Variants in ULK4 observed in about 807,000 individuals in gnomAD.
The protein encoded by ULK4 is unc-51 like kinase 4.
In ULK4, 133 loss-of-function variants were observed where a neutral mutation model predicts 160.6. The observed-to-expected ratio is 0.83, with a 90% CI of 0.72 to 0.96. The LOEUF is 0.96. Ranked by LOEUF, ULK4 falls within the 40% of genes least tolerant of loss-of-function variation. The pLI, the probability that ULK4 is intolerant of heterozygous loss-of-function variation, is 0.00. For synonymous variants in ULK4, 534 were observed against 539.8 expected (o/e 0.99, Z 0.15); for missense variants, 1,580 against 1,499.5 (o/e 1.05, Z -0.89).
At chr3:41,871,142 G>T (rs1697075477) in intron 17 of ULK4, among the ~76,000 whole-genome samples, 1 of 152,072 alleles carries the variant, frequency 6.6e-6, no homozygotes, top group African/African-American at 2.4e-5. Flanking sequence ...CCAAGTCTTG[G>T]GTATTTCTTC....
At chr3:41,383,052 T>C (rs564508877) in intron 35 of ULK4, among the ~76,000 whole-genome samples, 2 of 152,144 alleles carry the variant, frequency 1.3e-5, no homozygotes, top group African/African-American at 2.4e-5. Flanking sequence ...AAAATTGCCA[T>C]TGCTGTTTAC....
At chr3:41,307,007 T>C (rs2079956707) in intron 35 of ULK4, among the ~76,000 whole-genome samples, 1 of 150,944 alleles carries the variant, frequency 6.6e-6, no homozygotes, top group Non-Finnish European at 1.5e-5. Flanking sequence ...ACACAAACAC[T>C]GCGGAAGGCC....
chr3:41,317,496 CGATT>C (rs1559521473), intron 35 of ULK4, among the ~76,000 whole-genome samples: 3 of 151,974 alleles, frequency 2.0e-5, no homozygotes, highest in African/African-American at 7.3e-5. Context: ...TTATTGATAA[CGATT>C]GATAATGATT....
Position 41,809,494 on chromosome 3 carries a change from G to A in ULK4, c.1849-9201C>T, listed in dbSNP as rs146279777. Among the ~76,000 whole-genome samples, 353 of 152,250 alleles carry A rather than the reference G, an allele frequency of 2.3e-3. 1 individual carries two copies. The highest frequency in any genetic ancestry group is 7.5e-3 in the African/African-American group (310 of 41,560). ...GGTGCTCTTTATTGAAAAAGTAGGC[G>A]TGTAGACTAAGATTATATTTGTGTG... On this transcript the variant is annotated intron_variant, in intron 19 of 36. Transcript: ENST00000301831.
At chr3:41,585,408 A>G (rs1260348101) in intron 31 of ULK4, among the ~76,000 whole-genome samples, 1 of 152,182 alleles carries the variant, frequency 6.6e-6, no homozygotes, top group African/African-American at 2.4e-5. Context: ...AAGCTCACAC[A>G]ATGGGAAAAT....
intron 17 of ULK4, among the ~76,000 whole-genome samples, chr3:41,852,410 T>C (rs2125674768): frequency 6.6e-6 from 1 of 152,216 alleles, no homozygotes; most frequent in East Asian, 1.9e-4. Flanking sequence ...AATAAATCTA[T>C]AGTTCAAAAT....
chr3:41,917,764 G>A (rs1378051905), intron 7 of ULK4, among the ~76,000 whole-genome samples: 3 of 152,050 alleles, frequency 2.0e-5, no homozygotes, highest in Admixed American at 6.6e-5. Context: ...GGTGGATCAT[G>A]ACATCAGGAG....
intron 32 of ULK4, among the ~76,000 whole-genome samples, chr3:41,464,321 A>G (rs1462965278): frequency 2.0e-5 from 3 of 152,218 alleles, no homozygotes; most frequent in African/African-American, 7.2e-5. Flanking sequence ...AGTGACATAG[A>G]ATGACAGACG....
rs779807923 is a variant in ULK4, at chr3:41,935,953, G to A, written c.239-13C>T. The A allele has an allele frequency of 3.7e-6, 6 of 1,611,036 alleles. No homozygotes were observed. The highest frequency in any genetic ancestry group is 2.2e-5 in the East Asian group (1 of 44,752). On this transcript the variant is annotated splice_polypyrimidine_tract_variant and intron_variant, in intron 3 of 36. Coordinates refer to ENST00000301831, the MANE Select transcript of ULK4 (RefSeq NM_017886.4). ...TTTAAGGAACCACCTGCAAGAGGTT[G>A]ATTAAAATCACCCATTTCAACCCCC...
At chr3:41,307,929 G>A (rs2079980308) in intron 35 of ULK4, among the ~76,000 whole-genome samples, 1 of 152,172 alleles carries the variant, frequency 6.6e-6, no homozygotes, top group South Asian at 2.1e-4. Flanking sequence ...ACCTGGAGCT[G>A]TTGTGGCTGC....
chr3:41,299,002 T>A (rs1203623321), intron 35 of ULK4, among the ~76,000 whole-genome samples: 4 of 152,196 alleles, frequency 2.6e-5, no homozygotes, highest in Admixed American at 2.6e-4. Flanking sequence ...CATCCACACC[T>A]CTGACAATGC....
chr3:41,740,112 T>C (rs2038194807), intron 22 of ULK4, among the ~76,000 whole-genome samples: 1 of 151,948 alleles, frequency 6.6e-6, no homozygotes. Context: ...AAACATATTT[T>C]CTTCCAGCTG....
At chr3:41,489,021 C>T (rs2084649602) in intron 32 of ULK4, among the ~76,000 whole-genome samples, 1 of 152,130 alleles carries the variant, frequency 6.6e-6, no homozygotes, top group African/African-American at 2.4e-5. Flanking sequence ...TCTCAGCCCC[C>T]TTCTGCCTCC....
intron 17 of ULK4, among the ~76,000 whole-genome samples, chr3:41,865,351 T>C (rs374315218): frequency 2.0e-5 from 3 of 146,900 alleles, no homozygotes; most frequent in Non-Finnish European, 4.5e-5. Context: ...TCTAGTTTTC[T>C]ATACAATCAC....
chr3:41,398,074 C>G lies in ULK4; in HGVS notation c.3678+5G>C, dbSNP rs1315999786. The G allele has an allele frequency of 6.2e-7, 1 of 1,611,208 alleles. No homozygotes were observed. The highest frequency in any genetic ancestry group is 1.7e-5 in the Admixed American group (1 of 59,498). On this transcript the variant is annotated splice_donor_5th_base_variant and intron_variant, in intron 35 of 36. Coordinates refer to ENST00000301831, the MANE Select transcript of ULK4 (RefSeq NM_017886.4). ...ACAGTGTCCCCGGTTTCTGTGTGAA[C>G]TCACCATTCTTCTGAGAATCCTTAA...
chr3:41,530,952 C>T (rs61021485), intron 32 of ULK4, among the ~76,000 whole-genome samples: 129 of 151,220 alleles, frequency 8.5e-4, no homozygotes, highest in Middle Eastern at 3.4e-3. Flanking sequence ...TTAGTAGAGA[C>T]GGGGTTTCAC....
chr3:41,725,159 T>C (rs923283005), intron 22 of ULK4, among the ~76,000 whole-genome samples: 7 of 152,062 alleles, frequency 4.6e-5, no homozygotes, highest in Non-Finnish European at 1.0e-4. Flanking sequence ...TGTGTTCTGT[T>C]AAAAAAAATT....
chr3:41,775,531 T>A (rs1355831083), intron 21 of ULK4, among the ~76,000 whole-genome samples: 2 of 150,076 alleles, frequency 1.3e-5, no homozygotes, highest in East Asian at 3.9e-4. Flanking sequence ...ACTGAGTAGC[T>A]GGAATTACAG....
intron 35 of ULK4, among the ~76,000 whole-genome samples, chr3:41,255,546 T>C (rs537585802): frequency 2.1e-5 from 3 of 145,712 alleles, no homozygotes; most frequent in African/African-American, 7.3e-5. Flanking sequence ...AGATATGACA[T>C]GCTAACAGTA....
Sources: gnomAD v4.1 joint callset for allele counts (sites outside exome capture counted in the v4.1 genomes callset) on GRCh38, gnomAD v4.1.1 for gene constraint, MANE v1.5 for transcripts, NCBI Gene and HGNC (gene_info 2026-07-23, HGNC 2026-07-21) for gene names.